The following PTPRK variants were observed in gnomAD, a reference collection of about 807,000 sequenced individuals.
The protein encoded by PTPRK is protein tyrosine phosphatase receptor type K.
In PTPRK, 75 loss-of-function variants were observed where a neutral mutation model predicts 178.0. The ratio of observed to expected loss-of-function variants is 0.42; its 90% CI spans 0.35 to 0.51. The LOEUF is 0.51. PTPRK is among the 20% of genes least tolerant of loss of function. PTPRK has a pLI of 0.02. For missense variants in PTPRK, 1,441 were observed against 1,797.8 expected (o/e 0.80, Z 3.59); for synonymous variants, 637 against 620.6 (o/e 1.03, Z -0.39).
chr6:128,468,936 A>G (rs1322465941), intron 1 of PTPRK, among the ~76,000 whole-genome samples: 2 of 152,012 alleles, frequency 1.3e-5, no homozygotes, highest in African/African-American at 4.8e-5. Flanking sequence ...AAAAAAAAAA[A>G]AAAACCTTAA....
intron 1 of PTPRK, among the ~76,000 whole-genome samples, chr6:128,434,010 C>G (rs1845194264): frequency 6.6e-6 from 1 of 151,304 alleles, no homozygotes; most frequent in African/African-American, 2.4e-5. Context: ...ATTTCTTAGG[C>G]TAATACGAGA....
rs182267870 is a variant in PTPRK at position 128,294,023 on chromosome 6, T to C, written c.495+28016A>G. 1.5e-4 allele frequency among the ~76,000 whole-genome samples: 23 copies of C among 152,252 alleles called. No individual in the cohort carries two copies. In the East Asian group the frequency reaches 3.5e-3, roughly 23 times the overall value. On this transcript the variant is annotated intron_variant, in intron 3 of 29. Transcript: ENST00000368226. Reference sequence around the variant, plus strand: ...CTTATAGCTGTAGATGATTCTTTTTTCTTTTAATCTTTGCTTTTTTTATAC... The same window carrying C: ...CTTATAGCTGTAGATGATTCTTTTTCCTTTTAATCTTTGCTTTTTTTATAC...
intron 6 of PTPRK, among the ~76,000 whole-genome samples, chr6:128,208,068 C>T (rs1278904365): frequency 1.3e-5 from 2 of 151,830 alleles, no homozygotes; most frequent in Non-Finnish European, 2.9e-5. Flanking sequence ...TTCCAAACAC[C>T]CTGCTTTACA....
chr6:128,097,950 T>C (rs1199973933), intron 7 of PTPRK, among the ~76,000 whole-genome samples: 1 of 152,088 alleles, frequency 6.6e-6, no homozygotes, highest in Non-Finnish European at 1.5e-5. Flanking sequence ...GTGTAAAAAG[T>C]AAGGTGACTT....
chr6:128,503,397 A>T (rs1855847549), intron 1 of PTPRK, among the ~76,000 whole-genome samples: 1 of 152,304 alleles, frequency 6.6e-6, no homozygotes, highest in East Asian at 1.9e-4. Context: ...GGAGTGAGTG[A>T]CTGTACTTTC....
chr6:128,342,038 A>C (rs890092513), intron 2 of PTPRK, among the ~76,000 whole-genome samples: 18 of 152,146 alleles, frequency 1.2e-4, no homozygotes, highest in African/African-American at 3.6e-4. Flanking sequence ...GGATCACCTG[A>C]GGTCAGGAGT....
At position 128,339,123 on chromosome 6, in the gene PTPRK, T is replaced by C. The variant is rs540097326; in HGVS notation, c.224-16813A>G. Among the ~76,000 whole-genome samples, 8 of 152,320 alleles carry C rather than the reference T, an allele frequency of 5.3e-5. No homozygotes were observed. The South Asian group carries it at 1.7e-3, about 32-fold the overall frequency. ...CTGTATTTTATTATGGAGCATGGAA[T>C]GTAGCAATCTGATTACAAACCTTTT... On this transcript the variant is annotated intron_variant, in intron 2 of 29. Transcript: ENST00000368226.
chr6:128,042,672 C>T (rs1777393374), intron 13 of PTPRK, among the ~76,000 whole-genome samples: 1 of 152,084 alleles, frequency 6.6e-6, no homozygotes, highest in Non-Finnish European at 1.5e-5. Flanking sequence ...ACTGCAAATT[C>T]TCTTTTTCCA....
chr6:128,434,405 C>T (rs890197340), intron 1 of PTPRK, among the ~76,000 whole-genome samples: 3 of 152,220 alleles, frequency 2.0e-5, no homozygotes, highest in African/African-American at 7.2e-5. Context: ...TCCCTTTCAA[C>T]GTTTTTGGAA....
At chr6:128,026,439 C>A (rs2114779865) in intron 13 of PTPRK, among the ~76,000 whole-genome samples, 1 of 152,252 alleles carries the variant, frequency 6.6e-6, no homozygotes, top group Admixed American at 6.5e-5. Context: ...CTCCAGGTAC[C>A]AAGAAAAACT....
intron 3 of PTPRK, chr6:128,321,767 A>T (rs969200592): frequency 1.3e-5 from 9 of 695,838 alleles, no homozygotes; most frequent in Middle Eastern, 2.3e-4. Context: ...AACTTATTTT[A>T]ACACATAGAA....
intron 5 of PTPRK, among the ~76,000 whole-genome samples, chr6:128,224,499 G>T (rs1371272247): frequency 6.6e-6 from 1 of 152,094 alleles, no homozygotes; most frequent in African/African-American, 2.4e-5. Flanking sequence ...CTTGCCATGT[G>T]GTCTACAGAC....
At chr6:128,152,514 T>TAG (rs1797402750) in intron 7 of PTPRK, among the ~76,000 whole-genome samples, 1 of 150,914 alleles carries the variant, frequency 6.6e-6, no homozygotes, top group African/African-American at 2.4e-5. Flanking sequence ...GAGAAAAACT[T>TAG]AGAGAGACTG....
At chr6:128,446,929 T>G (rs7775722) in intron 1 of PTPRK, among the ~76,000 whole-genome samples, 9,530 of 152,246 alleles carry the variant, frequency 0.063, 556 homozygotes, top group African/African-American at 0.16. Context: ...TTTTCAAAAC[T>G]ATACAGTATA....
rs1451392668 is a variant in PTPRK, at chr6:128,357,963, A to C, written c.224-35653T>G. ...CCCGTTTTGCCATCTCTACTCACACAGCAAATTTCCATGAAAAACATTAGC... is the reference window on the plus strand; with the variant it reads ...CCCGTTTTGCCATCTCTACTCACACCGCAAATTTCCATGAAAAACATTAGC... On this transcript the variant is annotated intron_variant, in intron 2 of 29. Transcript: ENST00000368226. Among the ~76,000 whole-genome samples the C allele has an allele frequency of 3.3e-5, 5 of 152,344 alleles. No homozygotes were observed. The South Asian group carries it at 1.0e-3, about 32-fold the overall frequency.
chr6:128,501,902 C>T (rs1855614324), intron 1 of PTPRK, among the ~76,000 whole-genome samples: 1 of 152,132 alleles, frequency 6.6e-6, no homozygotes, highest in Admixed American at 6.5e-5. Context: ...TAGATGTTAA[C>T]AATTTCACAT....
chr6:128,106,502 C>T (rs1789739859), intron 7 of PTPRK, among the ~76,000 whole-genome samples: 1 of 151,266 alleles, frequency 6.6e-6, no homozygotes, highest in African/African-American at 2.4e-5. Flanking sequence ...GTGTGTAAAG[C>T]GCTAGGAAAA....
At chr6:128,362,378 A>G (rs1834895173) in intron 2 of PTPRK, among the ~76,000 whole-genome samples, 1 of 63,726 alleles carries the variant, frequency 1.6e-5, no homozygotes, top group Non-Finnish European at 4.5e-5. Flanking sequence ...CATCACCAAG[A>G]CTGGGGATTG....
intron 7 of PTPRK, among the ~76,000 whole-genome samples, chr6:128,093,193 T>C (rs1391420284): frequency 1.3e-5 from 2 of 152,216 alleles, no homozygotes; most frequent in Non-Finnish European, 2.9e-5. Flanking sequence ...GTATTCCATA[T>C]ATTGTAATTT....
Sources: gnomAD v4.1 joint callset for allele counts (sites outside exome capture counted in the v4.1 genomes callset) on GRCh38, gnomAD v4.1.1 for gene constraint, MANE v1.5 for transcripts, NCBI Gene and HGNC (gene_info 2026-07-23, HGNC 2026-07-21) for gene names.